The following PTDSS2 variants were observed in gnomAD, a reference collection of about 807,000 sequenced individuals.
PTDSS2 encodes the protein phosphatidylserine synthase 2.
Under a neutral mutation model 64.7 loss-of-function variants are expected in PTDSS2, and 41 were observed. The observed-to-expected ratio is 0.63, with a 90% CI of 0.49 to 0.82. PTDSS2 has a LOEUF of 0.82. Among genes scored for constraint, PTDSS2 ranks in the 40% least tolerant of loss-of-function variants. PTDSS2 has a pLI of 0.00. For missense variants in PTDSS2, 485 were observed against 650.0 expected (o/e 0.75, Z 2.76); for synonymous variants, 297 against 277.8 (o/e 1.07, Z -0.69).
At chr11:472,033 G>A (rs1847482681) in intron 2 of PTDSS2, among the ~76,000 whole-genome samples, 1 of 138,550 alleles carries the variant, frequency 7.2e-6, no homozygotes, top group Admixed American at 7.2e-5. Flanking sequence ...GGGGTGATGC[G>A]CGCCTGTCGG....
intron 2 of PTDSS2, among the ~76,000 whole-genome samples, chr11:472,578 A>C (rs1847520220): frequency 6.6e-6 from 1 of 152,156 alleles, no homozygotes; most frequent in African/African-American, 2.4e-5. Flanking sequence ...GCCCAGAAGC[A>C]GTAGACCCTT....
At chr11:488,806 G>A (rs1176382608) in intron 8 of PTDSS2, among the ~76,000 whole-genome samples, 159 bp downstream of exon 8, 2 of 152,184 alleles carry the variant, frequency 1.3e-5, no homozygotes, top group Non-Finnish European at 2.9e-5. Flanking sequence ...CCTCTGACCT[G>A]GTGTCACTCA....
At position 474,560 on chromosome 11, in the gene PTDSS2, C is replaced by T. The variant is rs1029093258; in HGVS notation, c.367+583C>T. Reference sequence around the variant, plus strand: ...TGCCCAGCGCACTCTGCCTCAGCCACCACCCCACCTTATGGCCCTGAGTTC... The same window carrying T: ...TGCCCAGCGCACTCTGCCTCAGCCATCACCCCACCTTATGGCCCTGAGTTC... On this transcript the variant is annotated intron_variant, in intron 3 of 11. Coordinates refer to ENST00000308020, the MANE Select transcript of PTDSS2 (RefSeq NM_030783.3). Among the ~76,000 whole-genome samples, 4 of 152,184 alleles carry T rather than the reference C, an allele frequency of 2.6e-5. No homozygotes were observed. In the South Asian group the frequency reaches 6.2e-4, roughly 24 times the overall value.
chr11:457,679 A>G (rs947202473), intron 1 of PTDSS2, among the ~76,000 whole-genome samples: 7 of 152,214 alleles, frequency 4.6e-5, no homozygotes, highest in African/African-American at 1.7e-4. Flanking sequence ...TTAGGTTATT[A>G]TACCTGAAAC....
Position 487,088 on chromosome 11 carries a change from G to A in PTDSS2, c.570+15G>A, listed in dbSNP as rs774634682. ...ACAACATCTGGGTAAGACGCCGGGGGCCCTGAGGCGAGCCCCTCCCCAGGT... is the reference window on the plus strand; with the variant it reads ...ACAACATCTGGGTAAGACGCCGGGGACCCTGAGGCGAGCCCCTCCCCAGGT... On this transcript the variant is annotated intron_variant, in intron 5 of 11. Transcript: ENST00000308020. 1.2e-6 allele frequency: 2 copies of A among 1,607,354 alleles called. No homozygotes were observed. The highest frequency in any genetic ancestry group is 2.2e-5 in the East Asian group (1 of 44,800).
At position 490,836 on chromosome 11, in the gene PTDSS2, C is replaced by A; in HGVS notation, c.*254C>A. On this transcript the variant is annotated 3_prime_UTR_variant, in exon 12 of 12. Coordinates refer to ENST00000308020, the MANE Select transcript of PTDSS2 (RefSeq NM_030783.3). The stretch of plus-strand genomic sequence containing the variant: ...CGCGTGTGTACACATGCGTGGCCGC[C>A]TGTGGTGTGCACGTGTGCTCTGGGC... 1 of 453,236 alleles carries A rather than the reference C, an allele frequency of 2.2e-6. No homozygotes were observed. The highest frequency in any genetic ancestry group is 4.0e-6 in the Non-Finnish European group (1 of 247,136). The allele number at this position is 453,236 out of a possible 1,614,324, so 28.1% of individuals were successfully genotyped here. A position where few individuals can be genotyped will look rare whatever the true frequency, so the allele number is the denominator to read the frequency against.
Position 481,646 on chromosome 11 carries a change from C to G in PTDSS2, c.435+2494C>G, listed in dbSNP as rs151115668. On this transcript the variant is annotated intron_variant, in intron 4 of 11. Transcript: ENST00000308020. ...CTGTTTTAATTTTACTTTTGCATTG[C>G]TCGTTACTCATGTATGGAAATGTAG... 2.0e-3 allele frequency among the ~76,000 whole-genome samples: 298 copies of G among 152,220 alleles called. 1 individual carries two copies. Among genetic ancestry groups the G allele is most frequent in the African/African-American group, 7.0e-3 (291 of 41,522 alleles).
chr11:484,812 T>C (rs1590678224), intron 4 of PTDSS2, among the ~76,000 whole-genome samples: 1 of 103,648 alleles, frequency 9.6e-6, no homozygotes. Context: ...CACGGGCGCG[T>C]GTGCTCACCG....
At chr11:465,515 T>C (rs771018269) in intron 2 of PTDSS2, among the ~76,000 whole-genome samples, 1 of 152,206 alleles carries the variant, frequency 6.6e-6, no homozygotes, top group Non-Finnish European at 1.5e-5. Flanking sequence ...GCCACAATTA[T>C]AAAACATCTT....
At chr11:450,068 A>G, upstream of PTDSS2, among the ~76,000 whole-genome samples, 1 of 152,170 alleles carries the variant, frequency 6.6e-6, no homozygotes, top group East Asian at 1.9e-4. Context: ...GACTCGGGCC[A>G]GGCCGCCGGG....
chr11:490,603 T>G lies in PTDSS2; in HGVS notation c.*21T>G, dbSNP rs117435122. 9,194 of 1,561,086 alleles carry G rather than the reference T, an allele frequency of 5.9e-3. 80 individuals carry two copies. Among genetic ancestry groups the G allele is most frequent in the Non-Finnish European group, 5.2e-3 (5,966 of 1,152,356 alleles). ...ACTGACCTGGGCCGTGGCTGCCTCGTGAGCCTCCCAGAGCCCAGGCCTCCG... is the reference window on the plus strand; with the variant it reads ...ACTGACCTGGGCCGTGGCTGCCTCGGGAGCCTCCCAGAGCCCAGGCCTCCG... On this transcript the variant is annotated 3_prime_UTR_variant, in exon 12 of 12. Transcript: ENST00000308020.
At chr11:483,442 CTGTGAGTTTTTCGTAGATCTCCCTTACT>C (rs1348261157) in intron 4 of PTDSS2, among the ~76,000 whole-genome samples, 3 of 152,118 alleles carry the variant, frequency 2.0e-5, no homozygotes, top group Admixed American at 6.5e-5. Flanking sequence ...GGAGAAGGTT[CTGTGAGTTTTTCGTAGATCTCCCTTACT>C]GAGTGGAGAA....
rs1847939201 is a variant in PTDSS2 at position 478,990 on chromosome 11, A to G, written c.368-95A>G. The G allele has an allele frequency of 3.2e-6, 3 of 935,646 alleles. No individual in the cohort carries two copies. The East Asian group carries it at 7.2e-5, about 22-fold the overall frequency. 58.0% of individuals were successfully genotyped at this position (935,646 alleles called of 1,614,324 possible). ...GGCCTGTGAAGGGCCCAGAAGAGAC[A>G]CTGGGTGTGAAGGAGCCAGGAGCCG... is the stretch of plus-strand genomic sequence containing the variant. On this transcript the variant is annotated intron_variant, in intron 3 of 11. Coordinates refer to ENST00000308020, the MANE Select transcript of PTDSS2 (RefSeq NM_030783.3).
rs544087495 is a variant in PTDSS2 at position 486,954 on chromosome 11, C to A, written c.451C>A (p.Arg151=). 2 of 1,612,562 alleles carry A rather than the reference C, an allele frequency of 1.2e-6. No homozygotes were observed. The highest frequency in any genetic ancestry group is 4.5e-5 in the East Asian group (2 of 44,886). ...GGCCTTGCAGACTGTCCAGGACGGCCGGCAGTTTCTAAAGTATGTTGACCC... is the reference window on the plus strand; with the variant it reads ...GGCCTTGCAGACTGTCCAGGACGGCAGGCAGTTTCTAAAGTATGTTGACCC... The part of the protein sequence containing the change: ...FILFQTVQDG[R]QFLKYVDPKL... The change falls in exon 5 of 12, where the codon CGG becomes AGG. Residue 151 remains arginine (R), a synonymous_variant. Coordinates refer to ENST00000308020, the MANE Select transcript of PTDSS2 (RefSeq NM_030783.3).
At chr11:471,195 A>T (rs911511456) in intron 2 of PTDSS2, among the ~76,000 whole-genome samples, 4 of 148,424 alleles carry the variant, frequency 2.7e-5, no homozygotes, top group Non-Finnish European at 4.5e-5. Flanking sequence ...TCCCAGATTC[A>T]AGTGATTCTC....
At chr11:450,247 G>GC (rs1310295390), upstream of PTDSS2, 5 of 379,902 alleles carry the variant, frequency 1.3e-5, no homozygotes, top group Non-Finnish European at 2.3e-5. Flanking sequence ...GGACCACAAG[G>GC]CCCAGCATGC....
At chr11:475,455 GGATATATTCACGCATTTGTGATACA>G (rs1847753976) in intron 3 of PTDSS2, among the ~76,000 whole-genome samples, 2 of 66,674 alleles carry the variant, frequency 3.0e-5, no homozygotes, top group African/African-American at 1.6e-4. Context: ...TGTGTGATAC[GGATATATTCACGCATTTGTGATACA>G]GACATATTCA....
intron 2 of PTDSS2, among the ~76,000 whole-genome samples, chr11:467,207 C>G (rs1446318356): frequency 6.6e-6 from 1 of 152,046 alleles, no homozygotes; most frequent in Non-Finnish European, 1.5e-5. Flanking sequence ...AAAGCAAAAC[C>G]TGGGTGAAAG....
At chr11:451,152 C>T (rs1590595123) in intron 1 of PTDSS2, among the ~76,000 whole-genome samples, 2 of 152,346 alleles carry the variant, frequency 1.3e-5, no homozygotes, top group South Asian at 4.1e-4. Context: ...GTTGTGCGTG[C>T]TTCAGGAATG....
Sources: allele counts gnomAD v4.1 joint callset (sites outside exome capture counted in the v4.1 genomes callset), GRCh38; gene constraint gnomAD v4.1.1; transcripts MANE v1.5; gene names NCBI Gene and HGNC (gene_info 2026-07-23, HGNC 2026-07-21).